The following PDSS2 variants were observed in gnomAD, a reference collection of about 807,000 sequenced individuals.
The protein encoded by PDSS2 is decaprenyl diphosphate synthase subunit 2.
A neutral mutation model predicts 44.5 loss-of-function variants in PDSS2; 31 were observed. That is an observed-to-expected ratio of 0.70 (90% CI 0.52 to 0.94). The LOEUF is 0.94. Among genes scored for constraint, PDSS2 ranks in the 40% least tolerant of loss-of-function variants. PDSS2 has a pLI of 0.00. For missense variants in PDSS2, 452 were observed against 482.2 expected (o/e 0.94, Z 0.59); for synonymous variants, 157 against 180.3 (o/e 0.87, Z 1.03).
intron 4 of PDSS2, among the ~76,000 whole-genome samples, chr6:107,224,843 C>T (rs1029856952): frequency 2.7e-5 from 4 of 150,904 alleles, no homozygotes; most frequent in South Asian, 2.1e-4. Context: ...AAACAACTGA[C>T]ATTTATTATT....
chr6:107,368,826 A>G lies in PDSS2; in HGVS notation c.297-34494T>C, dbSNP rs191837235. On this transcript the variant is annotated intron_variant, in intron 1 of 7. Transcript: ENST00000369037. ...AAAAAGAAATTGATAAGGTGATTAT[A>G]AATTTAAGTAAAAATGCAAAGTGCC... Among the ~76,000 whole-genome samples, 7 of 152,304 alleles carry G rather than the reference A, an allele frequency of 4.6e-5. No individual in the cohort carries two copies. The East Asian group carries it at 1.4e-3, about 29-fold the overall frequency.
chr6:107,366,194 CCACAA>C (rs1361480733), intron 1 of PDSS2, among the ~76,000 whole-genome samples: 2 of 151,984 alleles, frequency 1.3e-5, no homozygotes, highest in African/African-American at 4.8e-5. Flanking sequence ...TGTTCTCTGA[CCACAA>C]CACAAGTTAA....
At chr6:107,289,312 G>T (rs1776265679) in intron 2 of PDSS2, among the ~76,000 whole-genome samples, 1 of 150,530 alleles carries the variant, frequency 6.6e-6, no homozygotes, top group Admixed American at 6.6e-5. Context: ...GGCAGAGGTT[G>T]TAGTGAGCCG....
At chr6:107,325,124 C>A (rs1777498763) in intron 2 of PDSS2, among the ~76,000 whole-genome samples, 1 of 152,158 alleles carries the variant, frequency 6.6e-6, no homozygotes, top group Non-Finnish European at 1.5e-5. Context: ...ACACAGGCCT[C>A]CAAATATTCT....
At chr6:107,267,588 CTTT>C (rs55860139) in intron 3 of PDSS2, among the ~76,000 whole-genome samples, 26 of 132,316 alleles carry the variant, frequency 2.0e-4, no homozygotes, top group Admixed American at 2.3e-4. Flanking sequence ...GATTCTCTTT[CTTT>C]TTTTTTTTTT....
intron 1 of PDSS2, among the ~76,000 whole-genome samples, chr6:107,438,819 T>C (rs1781432307): frequency 6.6e-6 from 1 of 152,186 alleles, no homozygotes; most frequent in African/African-American, 2.4e-5. Flanking sequence ...TCAGTTGGAT[T>C]GACAATTTAT....
At position 107,211,688 on chromosome 6, in the gene PDSS2, T is replaced by C. The variant is rs972771903; in HGVS notation, c.876+421A>G. On this transcript the variant is annotated intron_variant, in intron 5 of 7. Coordinates refer to ENST00000369037, the MANE Select transcript of PDSS2 (RefSeq NM_020381.4). ...GAGGTTGCGTTGCAGTGAGCTGAGA[T>C]TGCACCACTGCACTCCAGCCTGGGT... 5.4e-5 allele frequency among the ~76,000 whole-genome samples: 8 copies of C among 149,322 alleles called. No individual in the cohort carries two copies. In the East Asian group the frequency reaches 9.9e-4, roughly 18 times the overall value.
chr6:107,440,452 T>C (rs1265113523), intron 1 of PDSS2, among the ~76,000 whole-genome samples: 4 of 152,178 alleles, frequency 2.6e-5, no homozygotes, highest in Non-Finnish European at 5.9e-5. Flanking sequence ...TATGACAACA[T>C]AGACAAGGTT....
At chr6:107,247,839 T>TAAA (rs10648723) in intron 3 of PDSS2, among the ~76,000 whole-genome samples, 3,035 of 87,936 alleles carry the variant, frequency 0.035, 104 homozygotes, top group Non-Finnish European at 0.045. Flanking sequence ...CTGTCTCTAC[T>TAAA]AAAAAAAAAA....
At chr6:107,333,311 T>C (rs995977934) in intron 2 of PDSS2, among the ~76,000 whole-genome samples, 4 of 152,212 alleles carry the variant, frequency 2.6e-5, no homozygotes, top group African/African-American at 9.7e-5. Flanking sequence ...AAATTATTGC[T>C]GACATACTGT....
At chr6:107,245,104 A>G (rs1774562994) in intron 4 of PDSS2, among the ~76,000 whole-genome samples, 1 of 152,190 alleles carries the variant, frequency 6.6e-6, no homozygotes, top group Non-Finnish European at 1.5e-5. Context: ...TAAATTATGC[A>G]TCTTGTATAT....
intron 2 of PDSS2, among the ~76,000 whole-genome samples, chr6:107,284,697 A>AGGTT (rs1472788065): frequency 3.3e-5 from 5 of 151,806 alleles, no homozygotes; most frequent in African/African-American, 1.2e-4. Context: ...ACCATAGTTA[A>AGGTT]CCTTGTTTTA....
chr6:107,317,142 C>T (rs1382250581), intron 2 of PDSS2, among the ~76,000 whole-genome samples: 1 of 152,136 alleles, frequency 6.6e-6, no homozygotes, highest in African/African-American at 2.4e-5. Context: ...CCAACCTCTC[C>T]TCCACGGCAC....
intron 1 of PDSS2, among the ~76,000 whole-genome samples, chr6:107,402,926 T>A (rs1457958334): frequency 6.6e-6 from 1 of 152,044 alleles, no homozygotes; most frequent in Non-Finnish European, 1.5e-5. Flanking sequence ...AACCATATCA[T>A]TCCACCCCTG....
intron 1 of PDSS2, among the ~76,000 whole-genome samples, chr6:107,366,937 C>T (rs1443276057): frequency 6.6e-6 from 1 of 152,050 alleles, no homozygotes; most frequent in East Asian, 1.9e-4. Context: ...AATACTGATT[C>T]TTCACAAACT....
At chr6:107,397,542 T>G (rs1013605917) in intron 1 of PDSS2, among the ~76,000 whole-genome samples, 1 of 152,194 alleles carries the variant, frequency 6.6e-6, no homozygotes, top group Non-Finnish European at 1.5e-5. Flanking sequence ...CAAAATATAG[T>G]CCTTGTCTCA....
chr6:107,445,534 T>C (rs1362429337), intron 1 of PDSS2, among the ~76,000 whole-genome samples: 1 of 152,328 alleles, frequency 6.6e-6, no homozygotes, highest in East Asian at 1.9e-4. Flanking sequence ...ATATTCATAT[T>C]AAATGGGATA....
chr6:107,449,277 TAG>T (rs1349699658), intron 1 of PDSS2, among the ~76,000 whole-genome samples: 1 of 152,240 alleles, frequency 6.6e-6, no homozygotes, highest in Non-Finnish European at 1.5e-5. Context: ...ACTTTTGAGA[TAG>T]ACTTTTTAAA....
intron 1 of PDSS2, among the ~76,000 whole-genome samples, chr6:107,378,194 C>T (rs1371776630): frequency 6.7e-6 from 1 of 149,496 alleles, no homozygotes; most frequent in Non-Finnish European, 1.5e-5. Flanking sequence ...ATGAATTTTC[C>T]CCCTAACATT....
Sources: allele counts gnomAD v4.1 joint callset (sites outside exome capture counted in the v4.1 genomes callset), GRCh38; gene constraint gnomAD v4.1.1; transcripts MANE v1.5; gene names NCBI Gene and HGNC (gene_info 2026-07-23, HGNC 2026-07-21).